MEGF10: variants seen among roughly 807,000 people sequenced by gnomAD.
MEGF10 encodes the protein multiple EGF like domains 10.
In MEGF10, 86 loss-of-function variants were observed where a neutral mutation model predicts 147.5. The observed-to-expected ratio is 0.58, with a 90% confidence interval of 0.49 to 0.70. The LOEUF is 0.70. Among genes scored for constraint, MEGF10 ranks in the 30% least tolerant of loss-of-function variants. The pLI is 0.00. For synonymous variants in MEGF10, 478 were observed against 525.5 expected (o/e 0.91, Z 1.24); for missense variants, 1,329 against 1,487.3 (o/e 0.89, Z 1.75).
chr5:127,244,320 G>A, the MEGF10 span, among the ~76,000 whole-genome samples: 51 of 149,682 alleles, frequency 3.4e-4, no homozygotes, highest in Non-Finnish European at 1.6e-4. Context: ...TTGGGCTATC[G>A]TGCCACTGCA....
chr5:127,238,379 A>T, the MEGF10 span, among the ~76,000 whole-genome samples: 1 of 152,036 alleles, frequency 6.6e-6, no homozygotes, highest in East Asian at 1.9e-4. Context: ...TTTATATATT[A>T]AAAAAAACCA....
At position 127,326,327 on chromosome 5, in the gene MEGF10, G is replaced by C. The variant is rs188644573; in HGVS notation, c.-18-4964G>C. Among the ~76,000 whole-genome samples the C allele has an allele frequency of 6.0e-4, 92 of 152,196 alleles. 1 individual carries two copies. The Middle Eastern group carries it at 0.014, about 23-fold the overall frequency. On this transcript the variant is annotated intron_variant, in intron 1 of 24. Coordinates refer to ENST00000503335, the MANE Select transcript of MEGF10 (RefSeq NM_001256545.2). The stretch of plus-strand genomic sequence containing the variant: ...TATGCTTGTTGTGGGTTTGATGTTA[G>C]CAAAATGACATGAAGCCCTCAAAAC...
the MEGF10 span, among the ~76,000 whole-genome samples, chr5:127,231,074 T>A: frequency 1.3e-5 from 2 of 152,106 alleles, no homozygotes; most frequent in African/African-American, 4.8e-5. Flanking sequence ...CATTTGTAAG[T>A]CCTATAAGCT....
chr5:127,290,136 G>C (rs774361098), upstream of MEGF10, among the ~76,000 whole-genome samples: 4 of 152,092 alleles, frequency 2.6e-5, no homozygotes, highest in Non-Finnish European at 5.9e-5. Context: ...ATAAATTGCC[G>C]CGCGAGGCCT....
intron 1 of MEGF10, among the ~76,000 whole-genome samples, chr5:127,302,449 T>G (rs915302095): frequency 6.6e-6 from 1 of 152,124 alleles, no homozygotes; most frequent in Non-Finnish European, 1.5e-5. Context: ...GAAAGTAGAT[T>G]AGTGATTTCC....
chr5:127,257,030 G>A, the MEGF10 span, among the ~76,000 whole-genome samples: 1 of 152,288 alleles, frequency 6.6e-6, no homozygotes, highest in African/African-American at 2.4e-5. Context: ...TGAGTCCCAA[G>A]AACAATGGCC....
In MEGF10 at chr5:127,410,559, A is replaced by G. The variant is rs777276816; in HGVS notation, c.1088A>G (p.Lys363Arg). The G allele has an allele frequency of 6.2e-7, 1 of 1,611,858 alleles. No individual in the cohort carries two copies. Among genetic ancestry groups the G allele is most frequent in the Admixed American group, 1.7e-5 (1 of 60,020 alleles). ...RLCPEGLYGI[K>R]CDKRCPCHLE... ...TGTCCTGAGGGGCTCTACGGCATCA[A>G]ATGTGACAAACGGTGTCCCTGCCAC... Residue 363 changes from lysine to arginine, a missense_variant, in exon 9 of 25, where the codon AAA (lysine) becomes AGA (arginine). Lys to Arg is a conservative substitution (Grantham distance 26). Transcript: ENST00000503335.
chr5:127,396,418 G>A (rs1489805247), intron 5 of MEGF10, 114 bp from the exon 6 acceptor site: 1 of 1,280,338 alleles, frequency 7.8e-7, no homozygotes, highest in Non-Finnish European at 1.1e-6. Flanking sequence ...CCAGGGCCCT[G>A]ATGTCCAGCT....
At chr5:127,255,349 T>C in the MEGF10 span, among the ~76,000 whole-genome samples, 5 of 152,148 alleles carry the variant, frequency 3.3e-5, no homozygotes, top group Non-Finnish European at 4.4e-5. Flanking sequence ...TAGGGAACAA[T>C]GACTGGTTAT....
At chr5:127,396,406 G>GT in intron 5 of MEGF10, 126 bp from the exon 6 acceptor site, 1 of 1,155,916 alleles carries the variant, frequency 8.7e-7, no homozygotes, top group East Asian at 2.6e-5. Context: ...CATGGGTTGG[G>GT]GCCAGGGCCC....
intron 1 of MEGF10, among the ~76,000 whole-genome samples, chr5:127,317,923 G>A (rs1202033276): frequency 1.3e-5 from 2 of 152,114 alleles, no homozygotes; most frequent in Admixed American, 1.3e-4. Flanking sequence ...TGAGGGGGGA[G>A]TGTGATGTTC....
intron 1 of MEGF10, among the ~76,000 whole-genome samples, chr5:127,328,183 A>AAC (rs1461454658): frequency 2.6e-5 from 4 of 152,196 alleles, no homozygotes; most frequent in African/African-American, 9.7e-5. Context: ...CATCGTCTAT[A>AAC]ACATCTGTGT....
the MEGF10 span, among the ~76,000 whole-genome samples, chr5:127,242,617 A>G: frequency 2.0e-5 from 3 of 152,224 alleles, no homozygotes; most frequent in African/African-American, 4.8e-5. Context: ...AAGCCTTTAG[A>G]ATCATCTGAA....
At chr5:127,284,845 A>G in the MEGF10 span, among the ~76,000 whole-genome samples, 2 of 152,192 alleles carry the variant, frequency 1.3e-5, no homozygotes, top group Non-Finnish European at 2.9e-5. Context: ...ATTTGAGAGC[A>G]CTACTGAAAG....
At chr5:127,343,607 T>G (rs574355467) in intron 4 of MEGF10, among the ~76,000 whole-genome samples, 1 of 152,198 alleles carries the variant, frequency 6.6e-6, no homozygotes, top group Non-Finnish European at 1.5e-5. Context: ...TCACAAATAT[T>G]AAAAGTAGCT....
Position 127,335,708 on chromosome 5 carries a change from T to C in MEGF10, c.117-3412T>C, listed in dbSNP as rs145680996. Among the ~76,000 whole-genome samples the C allele has an allele frequency of 3.3e-5, 5 of 152,202 alleles. No individual in the cohort carries two copies. In the East Asian group the frequency reaches 9.7e-4, roughly 30 times the overall value. ...TAAAAAAGAATGTTTTAGAAATATG[T>C]GCATGGCATGATTATTATAACCTAA... On this transcript the variant is annotated intron_variant, in intron 2 of 24. Coordinates refer to ENST00000503335, the MANE Select transcript of MEGF10 (RefSeq NM_001256545.2).
chr5:127,283,272 A>G, the MEGF10 span, among the ~76,000 whole-genome samples: 1 of 152,214 alleles, frequency 6.6e-6, no homozygotes, highest in Non-Finnish European at 1.5e-5. Context: ...ATAAGTCCTC[A>G]TTATGCAGAA....
At chr5:127,290,723 C>G (rs1759210186), upstream of MEGF10, 1 of 153,040 alleles carries the variant, frequency 6.5e-6, no homozygotes, top group Non-Finnish European at 1.5e-5. Flanking sequence ...GCAGCAGCTG[C>G]AGCAGCGGCA....
intron 4 of MEGF10, among the ~76,000 whole-genome samples, chr5:127,359,518 C>T (rs1174899808): frequency 6.6e-6 from 1 of 152,072 alleles, no homozygotes; most frequent in South Asian, 2.1e-4. Context: ...TCCTCATACC[C>T]TTTTGTAATT....
Sources: gnomAD v4.1 joint callset for allele counts (sites outside exome capture counted in the v4.1 genomes callset) on GRCh38, gnomAD v4.1.1 for gene constraint, MANE v1.5 for transcripts, NCBI Gene and HGNC (gene_info 2026-07-23, HGNC 2026-07-21) for gene names.